NELL1: variants seen among roughly 807,000 people sequenced by gnomAD.
NELL1 encodes the protein protein kinase C-binding protein NELL1.
Under a neutral mutation model 107.4 loss-of-function variants are expected in NELL1, and 76 were observed. The ratio of observed to expected loss-of-function variants is 0.71; its 90% confidence interval spans 0.59 to 0.86. The LOEUF is 0.86. Ranked by LOEUF, NELL1 falls within the 40% of genes least tolerant of loss-of-function variation. The pLI is 0.00. For missense variants in NELL1, 1,024 were observed against 1,005.5 expected (o/e 1.02, Z -0.25); for synonymous variants, 353 against 341.2 (o/e 1.03, Z -0.38).
chr11:21,143,462 T>A (rs1855911488), intron 13 of NELL1, among the ~76,000 whole-genome samples: 1 of 152,030 alleles, frequency 6.6e-6, no homozygotes, highest in Admixed American at 6.6e-5. Context: ...TCGGGCATTA[T>A]ATGGGGTGAA....
At chr11:21,124,603 ATT>A (rs35321090) in intron 13 of NELL1, among the ~76,000 whole-genome samples, 10 of 141,958 alleles carry the variant, frequency 7.0e-5, no homozygotes, top group Non-Finnish European at 6.2e-5. Flanking sequence ...CTCACAGATG[ATT>A]TTTTTTTTTT....
At chr11:21,504,142 C>G (rs1471665774) in intron 15 of NELL1, 1 of 152,224 alleles carries the variant, frequency 6.6e-6, no homozygotes, top group African/African-American at 2.4e-5. Context: ...CTTGTTTGCT[C>G]TCCAGGGCTT....
chr11:21,408,989 C>A (rs1465463634), intron 15 of NELL1, among the ~76,000 whole-genome samples: 1 of 151,876 alleles, frequency 6.6e-6, no homozygotes, highest in Admixed American at 6.6e-5. Context: ...GGTGGGACTG[C>A]AAACTAGTTC....
rs1367813856 is a variant in NELL1, at chr11:21,138,201, C to T, written c.1426+24487C>T. Among the ~76,000 whole-genome samples the T allele has an allele frequency of 2.0e-5, 3 of 152,132 alleles. No homozygotes were observed. In the East Asian group the frequency reaches 5.8e-4, roughly 29 times the overall value. ...TCTCTCAGTCTCTCCATCTGCAAAA[C>T]TGGTATAAAATCCCTCTTTTCCTTC... On this transcript the variant is annotated intron_variant, in intron 13 of 19. Transcript: ENST00000357134.
chr11:21,366,768 A>T (rs1166634641), intron 14 of NELL1, among the ~76,000 whole-genome samples: 1 of 152,164 alleles, frequency 6.6e-6, no homozygotes. Context: ...AGGAAGGAAG[A>T]AAAGGTTTAC....
rs574943481 is a variant in NELL1 at position 21,317,577 on chromosome 11, TC to T, written c.1550-53274del. Among the ~76,000 whole-genome samples the T allele has an allele frequency of 6.2e-3, 941 of 152,000 alleles. 10 individuals carry two copies. The highest frequency in any genetic ancestry group is 0.022 in the African/African-American group (900 of 41,456). On this transcript the variant is annotated intron_variant, in intron 14 of 19. Coordinates refer to ENST00000357134, the MANE Select transcript of NELL1 (RefSeq NM_006157.5). ...CTGCCAAGGAGGATATTTTATATGT[TC>T]CTCAGGACAGCGCAGACCCTTCCTT...
intron 2 of NELL1, among the ~76,000 whole-genome samples, chr11:20,721,942 C>T (rs1428473389): frequency 2.6e-5 from 4 of 151,808 alleles, no homozygotes; most frequent in Non-Finnish European, 5.9e-5. Context: ...GCTTTGTATT[C>T]CAGGACTTCA....
At chr11:21,240,973 C>T (rs918262251) in intron 14 of NELL1, among the ~76,000 whole-genome samples, 4 of 151,974 alleles carry the variant, frequency 2.6e-5, no homozygotes, top group African/African-American at 7.2e-5. Context: ...CTTTTGAGTG[C>T]ATTTCCAGGT....
chr11:21,108,285 A>G lies in NELL1; in HGVS notation c.1301-5304A>G, dbSNP rs557398617. Reference sequence around the variant, plus strand: ...GGCCCTGCCTTCTAATTTAATGATGATGATGCCAAATTTGAGTCTGTGTTT... The same window carrying G: ...GGCCCTGCCTTCTAATTTAATGATGGTGATGCCAAATTTGAGTCTGTGTTT... On this transcript the variant is annotated intron_variant, in intron 12 of 19. Coordinates refer to ENST00000357134, the MANE Select transcript of NELL1 (RefSeq NM_006157.5). 5.9e-5 allele frequency among the ~76,000 whole-genome samples: 9 copies of G among 152,246 alleles called. No homozygotes were observed. The East Asian group carries it at 1.4e-3, about 23-fold the overall frequency.
intron 13 of NELL1, among the ~76,000 whole-genome samples, chr11:21,189,835 A>G (rs1857012898): frequency 6.6e-6 from 1 of 151,754 alleles, no homozygotes; most frequent in Admixed American, 6.6e-5. Flanking sequence ...GTAACTATTG[A>G]AATGTAAGAA....
intron 12 of NELL1, among the ~76,000 whole-genome samples, chr11:20,963,609 GC>G (rs2134218807): frequency 6.6e-6 from 1 of 152,198 alleles, no homozygotes; most frequent in East Asian, 1.9e-4. Flanking sequence ...CCTAAGAATT[GC>G]CCTTTGAAGT....
chr11:21,106,167 G>T (rs1229698528), intron 12 of NELL1, among the ~76,000 whole-genome samples: 1 of 151,776 alleles, frequency 6.6e-6, no homozygotes. Context: ...TCTCTAAAAA[G>T]ATCAGAGACC....
At chr11:21,032,364 A>T (rs905767248) in intron 12 of NELL1, among the ~76,000 whole-genome samples, 11 of 152,054 alleles carry the variant, frequency 7.2e-5, no homozygotes, top group South Asian at 2.1e-4. Flanking sequence ...TTCCTTATAG[A>T]CTTTATGTAG....
intron 15 of NELL1, among the ~76,000 whole-genome samples, chr11:21,485,635 T>A (rs1200793997): frequency 6.6e-6 from 1 of 151,810 alleles, no homozygotes; most frequent in African/African-American, 2.4e-5. Context: ...CTGCTTAAGC[T>A]GCTCCCACTG....
chr11:21,487,211 A>C (rs1235645491), intron 15 of NELL1, among the ~76,000 whole-genome samples: 3 of 152,354 alleles, frequency 2.0e-5, no homozygotes, highest in Admixed American at 2.0e-4. Context: ...TTCTAAAAAC[A>C]GCAAGAGAAA....
intron 4 of NELL1, among the ~76,000 whole-genome samples, chr11:20,880,365 C>T (rs918650724): frequency 6.6e-6 from 1 of 152,186 alleles, no homozygotes; most frequent in African/African-American, 2.4e-5. Context: ...TCAGCACAGA[C>T]TAAGTGCCAA....
chr11:21,417,151 G>A (rs1257249725), intron 15 of NELL1, among the ~76,000 whole-genome samples: 1 of 152,054 alleles, frequency 6.6e-6, no homozygotes, highest in East Asian at 1.9e-4. Flanking sequence ...TGTATTCTGT[G>A]TTATCCGAGT....
intron 2 of NELL1, among the ~76,000 whole-genome samples, chr11:20,706,070 G>A (rs1028858721): frequency 5.7e-4 from 87 of 152,236 alleles, no homozygotes; most frequent in Non-Finnish European, 1.0e-3. Context: ...TGTTGGTGGG[G>A]CTGTAAACTA....
intron 15 of NELL1, among the ~76,000 whole-genome samples, chr11:21,398,141 T>C (rs1852021308): frequency 6.6e-6 from 1 of 151,694 alleles, no homozygotes; most frequent in African/African-American, 2.4e-5. Flanking sequence ...CCATTTTTAA[T>C]TTATGAACGA....
Sources: gnomAD v4.1 joint callset for allele counts (sites outside exome capture counted in the v4.1 genomes callset) on GRCh38, gnomAD v4.1.1 for gene constraint, MANE v1.5 for transcripts, NCBI Gene and HGNC (gene_info 2026-07-23, HGNC 2026-07-21) for gene names.